Variants in SLC24A2 observed in about 807,000 individuals in gnomAD.
SLC24A2 encodes sodium/potassium/calcium exchanger 2.
In SLC24A2, 36 loss-of-function variants were observed where a neutral mutation model predicts 62.0. The ratio of observed to expected loss-of-function variants is 0.58; its 90% CI spans 0.44 to 0.77. SLC24A2 has a LOEUF of 0.77. Among genes scored for constraint, SLC24A2 ranks in the 30% least tolerant of loss-of-function variants. SLC24A2 has a pLI of 0.00. For missense variants in SLC24A2, 846 were observed against 817.9 expected (o/e 1.03, Z -0.42); for synonymous variants, 358 against 294.0 (o/e 1.22, Z -2.23).
At chr9:19,566,451 G>C (rs1835655402) in intron 7 of SLC24A2, among the ~76,000 whole-genome samples, 1 of 149,402 alleles carries the variant, frequency 6.7e-6, no homozygotes, top group African/African-American at 2.5e-5. Context: ...TCATTAAAAA[G>C]TCAGGAAACA....
At chr9:19,697,885 T>C (rs956992249) in intron 2 of SLC24A2, among the ~76,000 whole-genome samples, 1 of 152,162 alleles carries the variant, frequency 6.6e-6, no homozygotes, top group South Asian at 2.1e-4. Context: ...AATTTAATCA[T>C]TCCTTCATAC....
chr9:19,636,503 C>G (rs970738192), intron 2 of SLC24A2, among the ~76,000 whole-genome samples: 20 of 147,724 alleles, frequency 1.4e-4, no homozygotes, highest in African/African-American at 4.8e-4. Context: ...GTGATCTCGG[C>G]TCACTACAAC....
intron 2 of SLC24A2, among the ~76,000 whole-genome samples, chr9:19,693,833 T>C (rs1281864343): frequency 6.6e-6 from 1 of 152,092 alleles, no homozygotes; most frequent in African/African-American, 2.4e-5. Context: ...TCTTCTTTCC[T>C]TTCTTTTTCT....
At chr9:19,906,576 G>A in the SLC24A2 span, among the ~76,000 whole-genome samples, 23 of 152,128 alleles carry the variant, frequency 1.5e-4, no homozygotes, top group African/African-American at 4.1e-4. Context: ...TTGACAGACC[G>A]CTGGCAACAC....
chr9:20,204,886 G>A, the SLC24A2 span, among the ~76,000 whole-genome samples: 1 of 151,720 alleles, frequency 6.6e-6, no homozygotes, highest in African/African-American at 2.4e-5. Flanking sequence ...CTGGACTACA[G>A]GCGCGCACCA....
chr9:19,535,930 G>A (rs1833948583), intron 8 of SLC24A2, among the ~76,000 whole-genome samples: 1 of 151,978 alleles, frequency 6.6e-6, no homozygotes, highest in Admixed American at 6.6e-5. Context: ...AATTACTTTG[G>A]AAAGTATGGC....
chr9:20,192,515 G>C, the SLC24A2 span, among the ~76,000 whole-genome samples: 1 of 152,132 alleles, frequency 6.6e-6, no homozygotes, highest in African/African-American at 2.4e-5. Context: ...TAGAAATGCA[G>C]ATTCCTAGAG....
At chr9:19,862,694 G>A in the SLC24A2 span, among the ~76,000 whole-genome samples, 1 of 151,970 alleles carries the variant, frequency 6.6e-6, no homozygotes, top group Non-Finnish European at 1.5e-5. Flanking sequence ...ACGTGGAAGG[G>A]ATGAAGTTAT....
chr9:20,220,312 G>A, the SLC24A2 span, among the ~76,000 whole-genome samples: 6 of 152,166 alleles, frequency 3.9e-5, no homozygotes, highest in Non-Finnish European at 7.4e-5. Flanking sequence ...AAAAGGGCTT[G>A]GTGGAAAAGT....
the SLC24A2 span, among the ~76,000 whole-genome samples, chr9:20,011,768 T>G: frequency 2.6e-5 from 4 of 152,204 alleles, no homozygotes; most frequent in South Asian, 8.3e-4. Flanking sequence ...ATAAACAAAT[T>G]ACTGAAAAAT....
At chr9:19,672,627 A>G (rs1819452149) in intron 2 of SLC24A2, among the ~76,000 whole-genome samples, 1 of 146,420 alleles carries the variant, frequency 6.8e-6, no homozygotes, top group South Asian at 2.2e-4. Flanking sequence ...GTGTGAACTT[A>G]CATTGTCTAT....
chr9:20,264,946 A>C, the SLC24A2 span, among the ~76,000 whole-genome samples: 1 of 152,046 alleles, frequency 6.6e-6, no homozygotes, highest in African/African-American at 2.4e-5. Context: ...ATCCTAAGCC[A>C]CTCCGGCAAT....
At chr9:20,190,934 A>G in the SLC24A2 span, among the ~76,000 whole-genome samples, 2 of 152,202 alleles carry the variant, frequency 1.3e-5, no homozygotes. Flanking sequence ...AAGTTCTCCA[A>G]AAGTGTTAAC....
At chr9:19,894,050 A>T in the SLC24A2 span, among the ~76,000 whole-genome samples, 484 of 152,302 alleles carry the variant, frequency 3.2e-3, 1 homozygote, top group African/African-American at 8.7e-3. Context: ...TGCAAGAGAG[A>T]CTGATAAACA....
At chr9:20,221,081 G>C in the SLC24A2 span, among the ~76,000 whole-genome samples, 2 of 152,112 alleles carry the variant, frequency 1.3e-5, no homozygotes, top group Admixed American at 6.6e-5. Context: ...CTTATAGAGT[G>C]GTGAGGAAGA....
the SLC24A2 span, among the ~76,000 whole-genome samples, chr9:19,840,941 T>C: frequency 6.6e-6 from 1 of 152,240 alleles, no homozygotes; most frequent in Non-Finnish European, 1.5e-5. Flanking sequence ...TTCCTTTTTA[T>C]TGATGAGTAA....
intron 10 of SLC24A2, among the ~76,000 whole-genome samples, chr9:19,520,031 G>A (rs899213626): frequency 6.6e-6 from 1 of 152,130 alleles, no homozygotes; most frequent in African/African-American, 2.4e-5. Flanking sequence ...CTTAAATGGA[G>A]AAAAACATAC....
At chr9:20,037,689 C>T in the SLC24A2 span, among the ~76,000 whole-genome samples, 1 of 152,140 alleles carries the variant, frequency 6.6e-6, no homozygotes, top group Non-Finnish European at 1.5e-5. Context: ...CAGTGGTTCT[C>T]AACTATGGGG....
rs1482391725 is a variant in SLC24A2 at position 19,612,382 on chromosome 9, GT to G, written c.1078+7201del. Among the ~76,000 whole-genome samples the G allele has an allele frequency of 2.6e-5, 4 of 152,218 alleles. No homozygotes were observed. The East Asian group carries it at 7.7e-4, about 29-fold the overall frequency. On this transcript the variant is annotated intron_variant, in intron 4 of 10. Coordinates refer to ENST00000341998, the MANE Select transcript of SLC24A2 (RefSeq NM_020344.4). ...AATTTAGAGACAGAGGTCTTGCTAT[GT>G]TGCCCAGGCTGCTCTTGTACTCCTA...
Sources: allele counts gnomAD v4.1 joint callset (sites outside exome capture counted in the v4.1 genomes callset), GRCh38; gene constraint gnomAD v4.1.1; transcripts MANE v1.5; gene names NCBI Gene and HGNC (gene_info 2026-07-23, HGNC 2026-07-21).